Variants in SLC35G2 observed in about 807,000 individuals in gnomAD.
SLC35G2 encodes the protein transmembrane protein 22.
Under a neutral mutation model 27.2 loss-of-function variants are expected in SLC35G2, and 20 were observed. The ratio of observed to expected loss-of-function variants is 0.74; its 90% CI spans 0.52 to 1.07. The LOEUF is 1.07. SLC35G2 is among the 50% of genes least tolerant of loss of function. The pLI, the probability that SLC35G2 is intolerant of heterozygous loss-of-function variation, is 0.00. For synonymous variants in SLC35G2, 148 were observed against 165.3 expected, an observed-to-expected ratio of 0.90 and a Z score of 0.80; for missense variants, 416 against 493.3, an observed-to-expected ratio of 0.84 and a Z score of 1.48.
chr3:136,835,381 ACATT>A (rs1936840225), intron 1 of SLC35G2, among the ~76,000 whole-genome samples: 1 of 16,052 alleles, frequency 6.2e-5, no homozygotes, highest in African/African-American at 1.5e-4. Context: ...TTCAGGTGAT[ACATT>A]TTTTTTTGGC....
At position 136,855,678 on chromosome 3, in the gene SLC35G2, ACTAGACTCTC is replaced by A; in HGVS notation, c.1220_1229del (p.Leu407ProfsTer27). On this transcript the variant is annotated frameshift_variant, in exon 2 of 2. Coordinates refer to ENST00000446465, the MANE Select transcript of SLC35G2 (RefSeq NM_025246.3). LOFTEE classifies it high-confidence loss of function. ...TAAGAAAGCAGGACTACCAGGAAAT[ACTAGACTCTC>A]CCATTAAATGAATACCTGATTATTA... 6.2e-7 allele frequency: 1 copy of A among 1,605,860 alleles called. No individual in the cohort carries two copies. Among genetic ancestry groups the A allele is most frequent in the Non-Finnish European group, 8.5e-7 (1 of 1,172,506 alleles).
rs766629650 is a variant in SLC35G2 at position 136,840,624 on chromosome 3, T to TTTTTC, written c.-18-13804_-18-13800dup. On this transcript the variant is annotated intron_variant, in intron 1 of 1. Transcript: ENST00000446465. ...CTTTCTCTTCTTTCTCTCCCTCTCT[T>TTTTTC]TTTTCTTTTCTTTTCTTTTGACAGA... Among the ~76,000 whole-genome samples, 7 of 151,162 alleles carry TTTTTC rather than the reference T, an allele frequency of 4.6e-5. No individual in the cohort carries two copies. The South Asian group carries it at 8.4e-4, about 18-fold the overall frequency.
intron 1 of SLC35G2, chr3:136,837,783 T>C (rs1936916146): frequency 6.6e-6 from 1 of 152,098 alleles, no homozygotes; most frequent in Non-Finnish European, 1.5e-5. Flanking sequence ...ATAGCATTGC[T>C]GGGTCAAAGA....
chr3:136,855,394 C>A lies in SLC35G2; in HGVS notation c.934C>A (p.Pro312Thr). ...TMFILQEPIIPLDGETWSYLI... is the reference protein window; with the variant it reads ...TMFILQEPIITLDGETWSYLI... Reference sequence around the variant, plus strand: ...GTTTATTCTTCAAGAACCCATCATCCCATTAGATGGAGAAACCTGGAGTTA... The same window carrying A: ...GTTTATTCTTCAAGAACCCATCATCACATTAGATGGAGAAACCTGGAGTTA... Residue 312 changes from proline (P) to threonine (T), a missense_variant, in exon 2 of 2, where the codon CCA becomes ACA. By Grantham distance (38) the Pro-to-Thr change is conservative. Transcript: ENST00000446465. 6.2e-7 allele frequency: 1 copy of A among 1,614,058 alleles called. No homozygotes were observed.
intron 1 of SLC35G2, among the ~76,000 whole-genome samples, chr3:136,850,720 G>A (rs954293480): frequency 9.2e-5 from 14 of 152,080 alleles, no homozygotes; most frequent in African/African-American, 2.9e-4. Context: ...GCAGCTGGGC[G>A]TGGTGGCTCA....
chr3:136,829,508 C>G (rs1424211856), intron 1 of SLC35G2, among the ~76,000 whole-genome samples: 3 of 152,168 alleles, frequency 2.0e-5, no homozygotes, highest in Admixed American at 1.3e-4. Context: ...GTGTGAGCCA[C>G]CGCACCTGGA....
intron 1 of SLC35G2, among the ~76,000 whole-genome samples, chr3:136,834,303 A>G (rs1019476088): frequency 2.6e-5 from 4 of 152,164 alleles, no homozygotes; most frequent in African/African-American, 7.2e-5. Flanking sequence ...GCCAGAGTCA[A>G]CTCATCCCAA....
chr3:136,821,758 T>C (rs2107992837), intron 1 of SLC35G2, among the ~76,000 whole-genome samples: 1 of 152,334 alleles, frequency 6.6e-6, no homozygotes, highest in Non-Finnish European at 1.5e-5. Flanking sequence ...ATTTTACGTG[T>C]ATAATACATT....
chr3:136,848,465 A>C (rs1344991751), intron 1 of SLC35G2, among the ~76,000 whole-genome samples: 1 of 152,052 alleles, frequency 6.6e-6, no homozygotes, highest in Non-Finnish European at 1.5e-5. Context: ...CAAAAAATAC[A>C]AAAATTAGGT....
At chr3:136,837,116 T>C (rs1027057404) in intron 1 of SLC35G2, among the ~76,000 whole-genome samples, 1 of 151,892 alleles carries the variant, frequency 6.6e-6, no homozygotes, top group Non-Finnish European at 1.5e-5. Flanking sequence ...GTAATGAAAA[T>C]ATACTAGTAT....
At chr3:136,836,402 A>C (rs574816731) in intron 1 of SLC35G2, among the ~76,000 whole-genome samples, 319 of 64,402 alleles carry the variant, frequency 5.0e-3, no homozygotes, top group Admixed American at 9.1e-3. Context: ...ATTCTTCCTC[A>C]GATTCAGGCC....
At chr3:136,836,976 A>G (rs1470627381) in intron 1 of SLC35G2, among the ~76,000 whole-genome samples, 1 of 152,208 alleles carries the variant, frequency 6.6e-6, no homozygotes, top group Non-Finnish European at 1.5e-5. Flanking sequence ...GAACAGCATG[A>G]GGTCCATCTG....
At chr3:136,847,877 T>C (rs987074117) in intron 1 of SLC35G2, among the ~76,000 whole-genome samples, 2 of 151,946 alleles carry the variant, frequency 1.3e-5, no homozygotes, top group African/African-American at 2.4e-5. Flanking sequence ...CTCAGGAGGC[T>C]GAGGCAGGAG....
At chr3:136,829,655 C>G (rs1271732959) in intron 1 of SLC35G2, among the ~76,000 whole-genome samples, 1 of 152,102 alleles carries the variant, frequency 6.6e-6, no homozygotes, top group East Asian at 1.9e-4. Context: ...ACTATTTCTC[C>G]TTCATGCTTG....
chr3:136,846,095 T>A (rs1203336480), intron 1 of SLC35G2, among the ~76,000 whole-genome samples: 1 of 152,076 alleles, frequency 6.6e-6, no homozygotes, highest in Non-Finnish European at 1.5e-5. Context: ...AAGACTGACC[T>A]CCTCCAAGCA....
intron 1 of SLC35G2, chr3:136,842,757 C>T (rs972439323): frequency 6.6e-6 from 1 of 152,124 alleles, no homozygotes; most frequent in African/African-American, 2.4e-5. Context: ...GCTCTGGGTG[C>T]CAGGAACGCA....
intron 1 of SLC35G2, among the ~76,000 whole-genome samples, chr3:136,843,614 C>A (rs1937211281): frequency 6.6e-6 from 1 of 151,534 alleles, no homozygotes. Context: ...CCATTGCACT[C>A]CAGCCTGGGC....
At chr3:136,825,813 T>C (rs1180545567) in intron 1 of SLC35G2, among the ~76,000 whole-genome samples, 1 of 152,192 alleles carries the variant, frequency 6.6e-6, no homozygotes, top group Non-Finnish European at 1.5e-5. Flanking sequence ...TAGTATTTTG[T>C]TGAGGATTTT....
At chr3:136,830,987 C>T (rs185308526) in intron 1 of SLC35G2, among the ~76,000 whole-genome samples, 1 of 152,294 alleles carries the variant, frequency 6.6e-6, no homozygotes, top group Non-Finnish European at 1.5e-5. Flanking sequence ...CTTTGTATCT[C>T]TCTTTTATTT....
Sources: gnomAD v4.1 joint callset for allele counts (sites outside exome capture counted in the v4.1 genomes callset) on GRCh38, gnomAD v4.1.1 for gene constraint, MANE v1.5 for transcripts, NCBI Gene and HGNC (gene_info 2026-07-23, HGNC 2026-07-21) for gene names.